Variants in TMEM123 observed in about 807,000 individuals in gnomAD.
TMEM123 encodes porimin.
In TMEM123, 16 loss-of-function variants were observed where a neutral mutation model predicts 19.7. That is an observed-to-expected ratio of 0.81 (90% CI 0.55 to 1.23). TMEM123 has a LOEUF of 1.23. Among genes scored for constraint, TMEM123 ranks in the 50% most tolerant of loss-of-function variants. The probability of loss-of-function intolerance (pLI) is 0.00; values close to 1 mark genes in which losing one functional copy is unlikely to be tolerated. For synonymous variants in TMEM123, 118 were observed against 99.4 expected, an observed-to-expected ratio of 1.19 and a Z score of -1.12; for missense variants, 313 against 257.8, an observed-to-expected ratio of 1.21 and a Z score of -1.47.
At chr11:102,425,022 G>C (rs190235285) in intron 2 of TMEM123, among the ~76,000 whole-genome samples, 1 of 152,220 alleles carries the variant, frequency 6.6e-6, no homozygotes, top group South Asian at 2.1e-4. Context: ...AAGCAAGAAT[G>C]AAGAATATCC....
intron 1 of TMEM123, chr11:102,449,214 C>A: frequency 3.9e-6 from 1 of 256,278 alleles, no homozygotes; most frequent in Non-Finnish European, 7.9e-6. Context: ...CTCTGCTCTT[C>A]TGAGTGGAGT....
intron 2 of TMEM123, among the ~76,000 whole-genome samples, chr11:102,413,893 A>T (rs1952024427): frequency 6.6e-6 from 1 of 152,236 alleles, no homozygotes; most frequent in Non-Finnish European, 1.5e-5. Flanking sequence ...ACATGGAATT[A>T]AGAATCTGGA....
In TMEM123 at chr11:102,447,223, G is replaced by A. The variant is rs1351303974; in HGVS notation, c.157+1589C>T. Among the ~76,000 whole-genome samples the A allele has an allele frequency of 3.3e-5, 5 of 152,252 alleles. No individual in the cohort carries two copies. The East Asian group carries it at 5.8e-4, about 18-fold the overall frequency. On this transcript the variant is annotated intron_variant, in intron 2 of 4. Transcript: ENST00000398136. ...ATTTGAAATCATCCCACTGACTCTG[G>A]AGCTGCCCTCAAAGTATTCAGTTGA...
At chr11:102,400,433 A>G (rs1383257571) in intron 4 of TMEM123, among the ~76,000 whole-genome samples, 1 of 152,258 alleles carries the variant, frequency 6.6e-6, no homozygotes, top group Non-Finnish European at 1.5e-5. Context: ...AGTCAACTGA[A>G]CATTTCCCAC....
At chr11:102,405,746 C>T (rs1448532593) in intron 2 of TMEM123, among the ~76,000 whole-genome samples, 1 of 152,180 alleles carries the variant, frequency 6.6e-6, no homozygotes, top group East Asian at 1.9e-4. Flanking sequence ...TACAAAGTCA[C>T]ATGGGCCAAA....
intron 2 of TMEM123, among the ~76,000 whole-genome samples, chr11:102,432,937 G>A (rs949415394): frequency 6.8e-6 from 1 of 148,082 alleles, no homozygotes; most frequent in Admixed American, 6.8e-5. Context: ...GCCTGTGGGT[G>A]CACAGAAGTC....
chr11:102,441,943 A>G (rs1857830818), intron 2 of TMEM123, among the ~76,000 whole-genome samples: 1 of 152,216 alleles, frequency 6.6e-6, no homozygotes, highest in South Asian at 2.1e-4. Context: ...ATAAACTAGA[A>G]AATCTAGAAG....
intron 2 of TMEM123, among the ~76,000 whole-genome samples, chr11:102,439,949 G>C (rs1036777463): frequency 4.6e-5 from 7 of 152,220 alleles, no homozygotes; most frequent in Admixed American, 3.3e-4. Flanking sequence ...AAGTGTATCA[G>C]TGATTGAAGA....
intron 2 of TMEM123, among the ~76,000 whole-genome samples, chr11:102,404,531 A>C (rs117960807): frequency 0.047 from 7,158 of 151,900 alleles, 227 homozygotes; most frequent in Non-Finnish European, 0.073. Flanking sequence ...TGATCCGCCC[A>C]CCTCAGCCTC....
intron 1 of TMEM123, 127 bp downstream of exon 1, chr11:102,452,396 TG>T: frequency 1.2e-6 from 1 of 811,302 alleles, no homozygotes; most frequent in Non-Finnish European, 1.7e-6. Flanking sequence ...CGGTCACCTC[TG>T]GGTCCGCCCC....
Position 102,398,841 on chromosome 11 carries a change from A to T in TMEM123, c.*26T>A. On this transcript the variant is annotated 3_prime_UTR_variant, in exon 5 of 5. Transcript: ENST00000398136. ...AATTGATAGGGCAGCATCAATCTGT[A>T]TTCCATCCTTGGTCCATGGATTTCC... The T allele has an allele frequency of 6.2e-7, 1 of 1,609,848 alleles. No individual in the cohort carries two copies. The highest frequency in any genetic ancestry group is 8.5e-7 in the Non-Finnish European group (1 of 1,178,408).
intron 2 of TMEM123, among the ~76,000 whole-genome samples, chr11:102,404,151 T>C (rs1951934258): frequency 6.6e-6 from 1 of 152,066 alleles, no homozygotes; most frequent in Non-Finnish European, 1.5e-5. Flanking sequence ...TTTCCCCCAG[T>C]GAGAGCAGTA....
At chr11:102,414,817 CACAGTA>C (rs1952031270) in intron 2 of TMEM123, among the ~76,000 whole-genome samples, 1 of 152,114 alleles carries the variant, frequency 6.6e-6, no homozygotes, top group Non-Finnish European at 1.5e-5. Context: ...CAGTTAACAA[CACAGTA>C]ACAGGATCAC....
chr11:102,437,492 A>G (rs1857776843), intron 2 of TMEM123, among the ~76,000 whole-genome samples: 1 of 152,164 alleles, frequency 6.6e-6, no homozygotes, highest in Non-Finnish European at 1.5e-5. Context: ...TTACGTTTAA[A>G]ATGTTAAATG....
intron 2 of TMEM123, among the ~76,000 whole-genome samples, chr11:102,407,274 A>G (rs1951964043): frequency 6.6e-6 from 1 of 152,240 alleles, no homozygotes. Flanking sequence ...TCAATTTTGA[A>G]TCACTGTAGA....
In TMEM123 at chr11:102,398,908, GTTACAA is replaced by G; in HGVS notation, c.603-23_603-18del. 6.2e-7 allele frequency: 1 copy of G among 1,603,062 alleles called. No homozygotes were observed. Among genetic ancestry groups the G allele is most frequent in the Non-Finnish European group, 8.5e-7 (1 of 1,175,972 alleles). On this transcript the variant is annotated intron_variant, in intron 4 of 4. Coordinates refer to ENST00000398136, the MANE Select transcript of TMEM123 (RefSeq NM_052932.3). ...TGTTCATCTCTGTAATATATTAAAA[GTTACAA>G]TTACTTTGTTTTGTTTTTTCTGTCA...
At chr11:102,436,877 A>G (rs1455569042) in intron 2 of TMEM123, among the ~76,000 whole-genome samples, 1 of 152,232 alleles carries the variant, frequency 6.6e-6, no homozygotes, top group Non-Finnish European at 1.5e-5. Flanking sequence ...TCCTATTCAC[A>G]CTAGAATTTA....
intron 2 of TMEM123, among the ~76,000 whole-genome samples, chr11:102,428,328 G>T (rs1952146821): frequency 1.3e-5 from 2 of 151,920 alleles, no homozygotes; most frequent in East Asian, 3.9e-4. Flanking sequence ...TTGAGATGGA[G>T]TCTCACTCTG....
chr11:102,438,390 T>C (rs1857787890), intron 2 of TMEM123, among the ~76,000 whole-genome samples: 2 of 152,148 alleles, frequency 1.3e-5, no homozygotes, highest in South Asian at 4.1e-4. Flanking sequence ...ATCTTTTTAG[T>C]TGTTTACTTC....
Sources: gnomAD v4.1 joint callset for allele counts (sites outside exome capture counted in the v4.1 genomes callset) on GRCh38, gnomAD v4.1.1 for gene constraint, MANE v1.5 for transcripts, NCBI Gene and HGNC (gene_info 2026-07-23, HGNC 2026-07-21) for gene names.